HMGN5: variants seen among roughly 807,000 people sequenced by gnomAD.
HMGN5 encodes high mobility group nucleosome binding domain 5, also known as high mobility group nucleosome-binding domain-containing protein 5.
Under a neutral mutation model 9.5 loss-of-function variants are expected in HMGN5, and 4 were observed. The ratio of observed to expected loss-of-function variants is 0.42; its 90% CI spans 0.21 to 0.96. HMGN5 has a LOEUF of 0.96. Ranked by LOEUF, HMGN5 falls within the 40% of genes least tolerant of loss-of-function variation. The probability of loss-of-function intolerance (pLI) is 0.30; values close to 1 mark genes in which losing one functional copy is unlikely to be tolerated. For synonymous variants in HMGN5, 55 were observed against 57.1 expected (o/e 0.96, Z 0.16); for missense variants, 192 against 187.5 (o/e 1.02, Z -0.14).
At chrX:81,166,876 TC>T (rs2075412554) in intron 1 of HMGN5, among the ~76,000 whole-genome samples, 1 of 111,191 alleles carries the variant, frequency 9.0e-6, no homozygotes, top group Admixed American at 9.6e-5. Flanking sequence ...AACAACAAGG[TC>T]CCAAACAGCC....
intron 1 of HMGN5, among the ~76,000 whole-genome samples, chrX:81,157,899 C>T (rs995320923): frequency 1.8e-4 from 20 of 110,128 alleles, no homozygotes; most frequent in Non-Finnish European, 3.6e-4. Flanking sequence ...CCTGCCTCAG[C>T]CTCCCAAGTA....
intron 1 of HMGN5, among the ~76,000 whole-genome samples, chrX:81,179,002 CTCT>C (rs2075451885): frequency 8.9e-6 from 1 of 111,809 alleles, no homozygotes; most frequent in African/African-American, 3.3e-5. Flanking sequence ...AATTCAACAG[CTCT>C]TCATGCTAAA....
chrX:81,182,847 T>C (rs867203847), intron 1 of HMGN5, among the ~76,000 whole-genome samples: 11 of 111,872 alleles, frequency 9.8e-5, no homozygotes, highest in Middle Eastern at 4.7e-3. Context: ...ATACCTGAAA[T>C]TGTAGAAGTG....
intron 1 of HMGN5, among the ~76,000 whole-genome samples, chrX:81,178,438 G>A (rs975561694): frequency 2.7e-5 from 3 of 111,722 alleles, no homozygotes; most frequent in Non-Finnish European, 3.8e-5. Flanking sequence ...ACATCTCTAC[G>A]CAAATAAACT....
chrX:81,189,481 GT>G (rs1160923005), intron 1 of HMGN5, among the ~76,000 whole-genome samples: 1 of 112,088 alleles, frequency 8.9e-6, no homozygotes, highest in East Asian at 2.8e-4. Flanking sequence ...GAATCATACG[GT>G]ATGTAGCCTT....
At chrX:81,199,354 T>G (rs1394139717) in intron 1 of HMGN5, among the ~76,000 whole-genome samples, 3 of 112,483 alleles carry the variant, frequency 2.7e-5, no homozygotes, top group African/African-American at 9.7e-5. Flanking sequence ...CCAATGACTT[T>G]CTTCACAGAA....
intron 1 of HMGN5, among the ~76,000 whole-genome samples, chrX:81,132,767 T>C: frequency 9.0e-6 from 1 of 111,563 alleles, no homozygotes; most frequent in East Asian, 2.8e-4. Context: ...GGCAATGACA[T>C]CCTTGAAATA....
intron 1 of HMGN5, among the ~76,000 whole-genome samples, chrX:81,151,687 A>G (rs1369642799): frequency 3.6e-5 from 4 of 111,168 alleles, no homozygotes; most frequent in South Asian, 3.7e-4. Context: ...TGGATTCCTA[A>G]GTATTTTATT....
chrX:81,188,380 T>C (rs1265599158), intron 1 of HMGN5, among the ~76,000 whole-genome samples: 1 of 109,018 alleles, frequency 9.2e-6, no homozygotes, highest in African/African-American at 3.3e-5. Flanking sequence ...CCACCAGCCT[T>C]GGCCTCCCAA....
intron 1 of HMGN5, among the ~76,000 whole-genome samples, chrX:81,152,010 C>T (rs1403162591): frequency 6.3e-5 from 7 of 111,914 alleles, no homozygotes; most frequent in African/African-American, 2.3e-4. Context: ...GGATTAAAGA[C>T]TTAAACGTTA....
chrX:81,174,022 T>A (rs1166632470), intron 1 of HMGN5, among the ~76,000 whole-genome samples: 3 of 111,703 alleles, frequency 2.7e-5, no homozygotes, highest in Non-Finnish European at 5.7e-5. Context: ...GTTAGAAATT[T>A]TTTTCTGTAA....
intron 1 of HMGN5, among the ~76,000 whole-genome samples, chrX:81,124,635 T>C (rs1035531763): frequency 2.7e-5 from 3 of 112,453 alleles, no homozygotes; most frequent in African/African-American, 9.7e-5. Flanking sequence ...ACACTCTACA[T>C]ACCTTCTGTA....
rs981089415 is a variant in HMGN5 at position 81,155,118 on chromosome X, CAT to C, written c.-123-33448_-123-33447del. Reference sequence around the variant, plus strand: ...ATATATATATACACACACACATACACATATATATATATATATATACTCTTAAA... The same window carrying C: ...ATATATATATACACACACACATACACATATATATATATATATACTCTTAAA... On this transcript the variant is annotated intron_variant, in intron 1 of 6. Coordinates refer to ENST00000358130, the MANE Select transcript of HMGN5 (RefSeq NM_030763.3). Among the ~76,000 whole-genome samples, 301 of 90,037 alleles carry C rather than the reference CAT, an allele frequency of 3.3e-3. 1 individual carries two copies. The highest frequency in any genetic ancestry group is 0.011 in the Middle Eastern group (2 of 178). 78.2% of individuals were successfully genotyped at this position (90,037 alleles called of 115,157 possible).
In HMGN5 at chrX:81,177,367, C is replaced by CAAAAAAAAA. The variant is rs148090852; in HGVS notation, c.-124+24361_-124+24369dup. On this transcript the variant is annotated intron_variant, in intron 1 of 6. Coordinates refer to ENST00000358130, the MANE Select transcript of HMGN5 (RefSeq NM_030763.3). ...GAAGATCTACCAAGCAAATGGAAAG[C>CAAAAAAAAA]AAAAAAAAAAAAAAAAAAAAAAAAA... Among the ~76,000 whole-genome samples, 6 of 10,675 alleles carry CAAAAAAAAA rather than the reference C, an allele frequency of 5.6e-4. 1 individual carries two copies. The highest frequency in any genetic ancestry group is 1.2e-3 in the African/African-American group (4 of 3,475). 9.3% of individuals were successfully genotyped at this position (10,675 alleles called of 115,157 possible). A position where few individuals can be genotyped will look rare whatever the true frequency, so the allele number is the denominator to read the frequency against.
chrX:81,198,531 G>A lies in HMGN5; in HGVS notation c.-124+3206C>T, dbSNP rs988247539. Among the ~76,000 whole-genome samples the A allele has an allele frequency of 5.4e-5, 6 of 111,428 alleles. No homozygotes were observed. The Admixed American group carries it at 5.7e-4, about 11-fold the overall frequency. The stretch of plus-strand genomic sequence containing the variant: ...GTACATCAAAAAGCTTATCCACCAC[G>A]ATCAAGTTGGCTTCATCCCTGGGAT... On this transcript the variant is annotated intron_variant, in intron 1 of 6. Coordinates refer to ENST00000358130, the MANE Select transcript of HMGN5 (RefSeq NM_030763.3).
chrX:81,185,032 C>A (rs73634720), intron 1 of HMGN5, among the ~76,000 whole-genome samples: 10 of 111,166 alleles, frequency 9.0e-5, no homozygotes, highest in South Asian at 7.5e-4. Flanking sequence ...ACTATAGCTC[C>A]GTAATATAAT....
intron 1 of HMGN5, among the ~76,000 whole-genome samples, chrX:81,161,106 G>A (rs1386828390): frequency 1.8e-5 from 2 of 110,635 alleles, no homozygotes; most frequent in Admixed American, 9.6e-5. Context: ...TAGTATGTGC[G>A]TGTTTGAACT....
At chrX:81,180,551 C>T (rs2075459567) in intron 1 of HMGN5, among the ~76,000 whole-genome samples, 1 of 111,690 alleles carries the variant, frequency 9.0e-6, no homozygotes, top group African/African-American at 3.3e-5. Flanking sequence ...CAGGAAACAA[C>T]GGATGCTGGA....
chrX:81,172,662 A>C (rs775125108), intron 1 of HMGN5, among the ~76,000 whole-genome samples: 1 of 110,998 alleles, frequency 9.0e-6, no homozygotes, highest in East Asian at 2.8e-4. Flanking sequence ...CCAAAGAAAC[A>C]AAGACTGATA....
Sources: allele counts gnomAD v4.1 joint callset (sites outside exome capture counted in the v4.1 genomes callset), GRCh38; gene constraint gnomAD v4.1.1; transcripts MANE v1.5; gene names NCBI Gene and HGNC (gene_info 2026-07-23, HGNC 2026-07-21).